WWOX: variants seen among roughly 807,000 people sequenced by gnomAD.
The protein encoded by WWOX is WW domain containing oxidoreductase.
WWOX carries 69 observed loss-of-function variants against 46.2 expected under a neutral mutation model. The observed-to-expected ratio is 1.49, with a 90% CI of 1.23 to 1.82. The LOEUF is 1.82. WWOX is among the 40% of genes most tolerant of loss of function. The pLI, the probability that WWOX is intolerant of heterozygous loss-of-function variation, is 0.00. For missense variants in WWOX, 919 were observed against 542.6 expected, an observed-to-expected ratio of 1.69 and a Z score of -6.89; for synonymous variants, 359 against 202.6, an observed-to-expected ratio of 1.77 and a Z score of -6.56.
At chr16:78,237,730 A>G (rs1029836093) in intron 5 of WWOX, 1 of 152,250 alleles carries the variant, frequency 6.6e-6, no homozygotes, top group African/African-American at 2.4e-5. Flanking sequence ...AAGGAGGAAA[A>G]TGATATGGAA....
chr16:78,351,585 G>C (rs9646319), intron 5 of WWOX, among the ~76,000 whole-genome samples: 23,296 of 152,188 alleles, frequency 0.15, 2,377 homozygotes, highest in East Asian at 0.41. Flanking sequence ...CATGGATCCT[G>C]ACTAAGCGGA....
chr16:78,661,168 G>A (rs1016669300), intron 8 of WWOX, among the ~76,000 whole-genome samples: 3 of 152,198 alleles, frequency 2.0e-5, no homozygotes, highest in Admixed American at 6.5e-5. Context: ...TTACTAAACT[G>A]TCCTCTAGAA....
chr16:78,231,660 A>T (rs566441405), intron 5 of WWOX, among the ~76,000 whole-genome samples: 1 of 152,184 alleles, frequency 6.6e-6, no homozygotes, highest in Admixed American at 6.5e-5. Flanking sequence ...TTCATAACCC[A>T]AGAGAAGGCA....
intron 5 of WWOX, among the ~76,000 whole-genome samples, chr16:78,312,135 A>G (rs2151875664): frequency 6.6e-6 from 1 of 152,192 alleles, no homozygotes. Flanking sequence ...TTGTGATTTC[A>G]TTGGTCTCAG....
intron 5 of WWOX, among the ~76,000 whole-genome samples, chr16:78,381,314 C>G (rs1171882442): frequency 3.9e-5 from 6 of 152,198 alleles, no homozygotes; most frequent in Non-Finnish European, 8.8e-5. Flanking sequence ...GTCACTAACA[C>G]AGGTTTCAGT....
intron 5 of WWOX, among the ~76,000 whole-genome samples, chr16:78,199,598 C>G (rs950443681): frequency 6.6e-6 from 1 of 152,148 alleles, no homozygotes; most frequent in East Asian, 1.9e-4. Flanking sequence ...GCATGCCATT[C>G]GCTCACTAGC....
chr16:78,884,701 C>T (rs2044416767), intron 8 of WWOX, among the ~76,000 whole-genome samples: 1 of 152,144 alleles, frequency 6.6e-6, no homozygotes. Flanking sequence ...TGTCCTCCGT[C>T]ATGTTGCTAA....
chr16:78,282,560 G>A (rs1195517035), intron 5 of WWOX, among the ~76,000 whole-genome samples: 1 of 152,094 alleles, frequency 6.6e-6, no homozygotes, highest in Non-Finnish European at 1.5e-5. Context: ...TTTCAGAAAG[G>A]AAGTGAGAAG....
At chr16:78,755,234 C>CAAAA (rs5818169) in intron 8 of WWOX, among the ~76,000 whole-genome samples, 25 of 139,866 alleles carry the variant, frequency 1.8e-4, no homozygotes, top group African/African-American at 6.7e-4. Flanking sequence ...AAAGTTTCAT[C>CAAAA]AAAAAAAAAA....
intron 4 of WWOX, among the ~76,000 whole-genome samples, chr16:78,145,357 G>T: frequency 6.6e-6 from 1 of 152,148 alleles, no homozygotes; most frequent in South Asian, 2.1e-4. Flanking sequence ...TAGCCTTCAG[G>T]CTGTGGTCAA....
chr16:78,355,734 C>A, intron 5 of WWOX: 1 of 722,716 alleles, frequency 1.4e-6, no homozygotes, highest in Non-Finnish European at 2.4e-6. Flanking sequence ...GATGAGGAAA[C>A]ATATGAAGAG....
chr16:78,139,888 T>C lies in WWOX; in HGVS notation c.410-24295T>C, dbSNP rs555988527. Among the ~76,000 whole-genome samples the C allele has an allele frequency of 2.0e-5, 3 of 152,160 alleles. 1 individual carries two copies. The highest frequency in any genetic ancestry group is 4.4e-5 in the Non-Finnish European group (3 of 68,018). On this transcript the variant is annotated intron_variant, in intron 4 of 8. Transcript: ENST00000566780. ...AACTAGTGCTCAACTCCAGGCACTT[T>C]AGGAAATGCATCTCATAGCTGTCTG...
intron 8 of WWOX, among the ~76,000 whole-genome samples, chr16:78,514,093 C>G (rs376987657): frequency 4.6e-5 from 7 of 152,042 alleles, no homozygotes; most frequent in African/African-American, 1.5e-4. Context: ...ATCAGCCAAC[C>G]CCATAAATAC....
At chr16:78,628,330 T>G (rs989503034) in intron 8 of WWOX, among the ~76,000 whole-genome samples, 3 of 152,122 alleles carry the variant, frequency 2.0e-5, no homozygotes, top group Non-Finnish European at 4.4e-5. Flanking sequence ...ATCTCAGCCT[T>G]CCAGCAGAAT....
At chr16:79,211,524 G>GA (rs2051747492) in intron 8 of WWOX, 84 bp from the exon 9 acceptor site, 4 of 1,581,588 alleles carry the variant, frequency 2.5e-6, no homozygotes, top group Non-Finnish European at 3.5e-6. Flanking sequence ...GGGGAGGCCT[G>GA]CTAATGCCCA....
intron 8 of WWOX, among the ~76,000 whole-genome samples, chr16:79,127,050 A>T (rs569175967): frequency 6.6e-6 from 1 of 152,256 alleles, no homozygotes; most frequent in South Asian, 2.1e-4. Flanking sequence ...AGGATTAAAA[A>T]ATGTACATAT....
intron 8 of WWOX, among the ~76,000 whole-genome samples, chr16:78,723,743 C>A (rs980936930): frequency 4.6e-5 from 7 of 151,816 alleles, no homozygotes; most frequent in Non-Finnish European, 5.9e-5. Flanking sequence ...CCTGACAGTT[C>A]TTTATTGCTT....
intron 8 of WWOX, among the ~76,000 whole-genome samples, chr16:78,641,141 A>C (rs1169419263): frequency 1.3e-5 from 2 of 152,022 alleles, no homozygotes; most frequent in African/African-American, 2.4e-5. Context: ...TCCTCCAAAA[A>C]AATTCTCTTC....
At chr16:78,565,247 G>A (rs1385812308) in intron 8 of WWOX, among the ~76,000 whole-genome samples, 1 of 152,176 alleles carries the variant, frequency 6.6e-6, no homozygotes, top group Non-Finnish European at 1.5e-5. Context: ...AAACGTACTG[G>A]CTTTAAACAA....
Sources: allele counts gnomAD v4.1 joint callset (sites outside exome capture counted in the v4.1 genomes callset), GRCh38; gene constraint gnomAD v4.1.1; transcripts MANE v1.5; gene names NCBI Gene and HGNC (gene_info 2026-07-23, HGNC 2026-07-21).